ADIPOR2: variants seen among roughly 807,000 people sequenced by gnomAD.
ADIPOR2 encodes adiponectin receptor 2.
Under a neutral mutation model 40.9 loss-of-function variants are expected in ADIPOR2, and 18 were observed. The observed-to-expected ratio is 0.44, with a 90% confidence interval of 0.30 to 0.65. ADIPOR2 has a LOEUF of 0.65. ADIPOR2 is among the 30% of genes least tolerant of loss of function. ADIPOR2 has a pLI of 0.09. For missense variants in ADIPOR2, 283 were observed against 479.2 expected, an observed-to-expected ratio of 0.59 and a Z score of 3.82; for synonymous variants, 165 against 166.4, an observed-to-expected ratio of 0.99 and a Z score of 0.06.
chr12:1,729,628 T>G (rs1420902082), intron 1 of ADIPOR2, among the ~76,000 whole-genome samples: 1 of 40,300 alleles, frequency 2.5e-5, no homozygotes, highest in Non-Finnish European at 6.2e-5. Flanking sequence ...TTTTTTTTTT[T>G]TTTTTTTTTT....
intron 6 of ADIPOR2, among the ~76,000 whole-genome samples, chr12:1,781,734 GA>G (rs2154444460): frequency 6.6e-6 from 1 of 152,266 alleles, no homozygotes; most frequent in East Asian, 1.9e-4. Context: ...CACTGAGAAT[GA>G]ACAAGGAGTG....
chr12:1,712,321 G>C (rs1335551248), intron 1 of ADIPOR2, among the ~76,000 whole-genome samples: 1 of 152,110 alleles, frequency 6.6e-6, no homozygotes, highest in African/African-American at 2.4e-5. Context: ...GTAGCACCTG[G>C]TATCCAAGCA....
intron 1 of ADIPOR2, among the ~76,000 whole-genome samples, chr12:1,747,325 A>G (rs144036731): frequency 1.3e-5 from 2 of 152,362 alleles, no homozygotes; most frequent in East Asian, 3.9e-4. Context: ...ATTCACAAAT[A>G]TGTGGAAATT....
intron 1 of ADIPOR2, among the ~76,000 whole-genome samples, chr12:1,730,284 C>G (rs2094717075): frequency 6.7e-6 from 1 of 148,234 alleles, no homozygotes; most frequent in Admixed American, 6.7e-5. Context: ...GCGTTTTTTT[C>G]TCTTAGTGTT....
intron 1 of ADIPOR2, among the ~76,000 whole-genome samples, chr12:1,746,808 T>C (rs907092413): frequency 6.6e-6 from 1 of 152,218 alleles, no homozygotes; most frequent in African/African-American, 2.4e-5. Context: ...AGTGGGAGGA[T>C]TGCTGGAGCT....
intron 2 of ADIPOR2, among the ~76,000 whole-genome samples, chr12:1,755,814 T>C (rs1354685318): frequency 6.6e-6 from 1 of 152,228 alleles, no homozygotes; most frequent in Non-Finnish European, 1.5e-5. Context: ...TATAAAGTGT[T>C]AAAAATTAAA....
At chr12:1,744,273 T>G (rs529321265) in intron 1 of ADIPOR2, among the ~76,000 whole-genome samples, 38 of 152,068 alleles carry the variant, frequency 2.5e-4, no homozygotes, top group African/African-American at 8.4e-4. Context: ...CCTGGCTGAT[T>G]TTTTGTATTT....
At chr12:1,713,677 G>T (rs1309712206) in intron 1 of ADIPOR2, among the ~76,000 whole-genome samples, 51 of 152,158 alleles carry the variant, frequency 3.4e-4, no homozygotes, top group African/African-American at 1.2e-3. Context: ...CCTAATAAGG[G>T]TATGGGACTT....
chr12:1,786,795 C>T lies in ADIPOR2; in HGVS notation c.*723C>T, dbSNP rs1862847067. 6.6e-6 allele frequency: 1 copy of T among 152,402 alleles called. No individual in the cohort carries two copies. The highest frequency in any genetic ancestry group is 6.6e-5 in the Admixed American group (1 of 15,266). The allele number at this position is 152,402 out of a possible 1,614,324, so 9.4% of individuals were successfully genotyped here. On this transcript the variant is annotated 3_prime_UTR_variant, in exon 8 of 8. Coordinates refer to ENST00000357103, the MANE Select transcript of ADIPOR2 (RefSeq NM_024551.3). ...TGGGGCAGAGAGTATAGCCCTAGCCCAGTGGTGACATGACCACTCCCTTTG... is the reference window on the plus strand; with the variant it reads ...TGGGGCAGAGAGTATAGCCCTAGCCTAGTGGTGACATGACCACTCCCTTTG...
intron 1 of ADIPOR2, among the ~76,000 whole-genome samples, chr12:1,713,712 G>A (rs1316739733): frequency 1.3e-5 from 2 of 152,086 alleles, no homozygotes; most frequent in Non-Finnish European, 2.9e-5. Flanking sequence ...AAAGGCATGT[G>A]AAAAGAGCAA....
chr12:1,756,143 TTTA>T (rs1286455008), intron 2 of ADIPOR2, among the ~76,000 whole-genome samples: 3 of 151,828 alleles, frequency 2.0e-5, no homozygotes, highest in African/African-American at 4.8e-5. Flanking sequence ...TCTCCTTTAT[TTTA>T]TTATTATAAT....
chr12:1,703,813 A>G lies in ADIPOR2; in HGVS notation c.-87+12622A>G, dbSNP rs530894638. The stretch of plus-strand genomic sequence containing the variant: ...TGTTTTTTTGTTTGCGACAGGGCTC[A>G]AGTAATCCCACCACCCCAGCCTCTG... On this transcript the variant is annotated intron_variant, in intron 1 of 7. Coordinates refer to ENST00000357103, the MANE Select transcript of ADIPOR2 (RefSeq NM_024551.3). Among the ~76,000 whole-genome samples the G allele has an allele frequency of 2.6e-5, 4 of 152,228 alleles. No individual in the cohort carries two copies. The South Asian group carries it at 8.3e-4, about 32-fold the overall frequency.
chr12:1,778,947 C>T (rs902733743), intron 4 of ADIPOR2, among the ~76,000 whole-genome samples: 7 of 151,692 alleles, frequency 4.6e-5, no homozygotes, highest in African/African-American at 1.5e-4. Flanking sequence ...TTTAGGAAAA[C>T]GCAAATCAAA....
At chr12:1,698,207 T>G (rs900727073) in intron 1 of ADIPOR2, among the ~76,000 whole-genome samples, 3 of 12,180 alleles carry the variant, frequency 2.5e-4, no homozygotes, top group Admixed American at 1.1e-3. Flanking sequence ...CTTGGCTGAT[T>G]GTGTGTGTGT....
chr12:1,734,717 A>T (rs2094726899), intron 1 of ADIPOR2, among the ~76,000 whole-genome samples: 1 of 152,166 alleles, frequency 6.6e-6, no homozygotes, highest in Non-Finnish European at 1.5e-5. Flanking sequence ...GTTTTCTTCT[A>T]GGGTTTTTAG....
intron 3 of ADIPOR2, among the ~76,000 whole-genome samples, chr12:1,776,513 C>G (rs1387253536): frequency 6.6e-6 from 1 of 152,198 alleles, no homozygotes; most frequent in Non-Finnish European, 1.5e-5. Flanking sequence ...TTTTTCCTTA[C>G]ATCTTTCTGT....
chr12:1,727,348 G>A (rs2094709852), intron 1 of ADIPOR2, among the ~76,000 whole-genome samples: 1 of 152,178 alleles, frequency 6.6e-6, no homozygotes, highest in Non-Finnish European at 1.5e-5. Context: ...GTGTGCCTAA[G>A]CATAAATTAG....
At chr12:1,760,788 T>A (rs1296282815) in intron 2 of ADIPOR2, 1 of 152,230 alleles carries the variant, frequency 6.6e-6, no homozygotes, top group Non-Finnish European at 1.5e-5. Flanking sequence ...AATGGAAAAT[T>A]CCAGAAATAA....
chr12:1,719,572 A>T (rs1197977981), intron 1 of ADIPOR2, among the ~76,000 whole-genome samples: 2 of 152,158 alleles, frequency 1.3e-5, no homozygotes, highest in Non-Finnish European at 2.9e-5. Flanking sequence ...TGTTGTAAGG[A>T]TTAAAGAGAT....
Sources: gnomAD v4.1 joint callset for allele counts (sites outside exome capture counted in the v4.1 genomes callset) on GRCh38, gnomAD v4.1.1 for gene constraint, MANE v1.5 for transcripts, NCBI Gene and HGNC (gene_info 2026-07-23, HGNC 2026-07-21) for gene names.